CYP11A1: variants seen among roughly 807,000 people sequenced by gnomAD.
CYP11A1 encodes the protein cholesterol side-chain cleavage enzyme, mitochondrial.
A neutral mutation model predicts 51.9 loss-of-function variants in CYP11A1; 25 were observed. The ratio of observed to expected loss-of-function variants is 0.48; its 90% CI spans 0.35 to 0.67. CYP11A1 has a LOEUF of 0.67. Among genes scored for constraint, CYP11A1 ranks in the 30% least tolerant of loss-of-function variants. CYP11A1 has a pLI of 0.00. For synonymous variants in CYP11A1, 245 were observed against 262.1 expected (o/e 0.93, Z 0.63); for missense variants, 578 against 680.9 (o/e 0.85, Z 1.68).
chr15:74,340,301 G>A (rs1419381994), intron 5 of CYP11A1, among the ~76,000 whole-genome samples: 1 of 152,232 alleles, frequency 6.6e-6, no homozygotes, highest in Non-Finnish European at 1.5e-5. Context: ...TGTGGTGTGT[G>A]TTGAAATTAA....
chr15:74,340,175 T>C (rs1303761978), intron 5 of CYP11A1, among the ~76,000 whole-genome samples: 1 of 152,234 alleles, frequency 6.6e-6, no homozygotes, highest in Non-Finnish European at 1.5e-5. Flanking sequence ...CACCCCTCTT[T>C]CCAGTAGAAC....
At chr15:74,357,460 C>A (rs1429001493) in intron 1 of CYP11A1, among the ~76,000 whole-genome samples, 3 of 152,208 alleles carry the variant, frequency 2.0e-5, no homozygotes, top group Non-Finnish European at 4.4e-5. Context: ...GCCTTTCCTT[C>A]CTAGGCATGG....
intron 5 of CYP11A1, 66 bp downstream of exon 5, chr15:74,342,911 G>T (rs951260830): frequency 6.5e-7 from 1 of 1,538,832 alleles, no homozygotes; most frequent in Non-Finnish European, 9.0e-7. Context: ...GACAACGAGG[G>T]GCCTGGTGGG....
At position 74,338,714 on chromosome 15, in the gene CYP11A1, C is replaced by T. The variant is rs900306752; in HGVS notation, c.1291G>A (p.Asp431Asn). The change falls in exon 8 of 9, where the codon GAC becomes AAC. Residue 431 changes from aspartate to asparagine, a missense_variant. Coordinates refer to ENST00000268053, the MANE Select transcript of CYP11A1 (RefSeq NM_000781.3). ...ALGREPTFFF[D>N]PENFDPTRWL... Reference sequence around the variant, plus strand: ...CGGGTTGGGTCAAAATTTTCCGGGTCGAAGAAGAAGGTGGGCTCTCGGCCC... The same window carrying T: ...CGGGTTGGGTCAAAATTTTCCGGGTTGAAGAAGAAGGTGGGCTCTCGGCCC... 8.1e-6 allele frequency: 13 copies of T among 1,614,026 alleles called. No individual in the cohort carries two copies. The Admixed American group carries it at 8.3e-5, about 10-fold the overall frequency.
chr15:74,342,152 G>A (rs1314373748), intron 5 of CYP11A1, among the ~76,000 whole-genome samples: 6 of 152,066 alleles, frequency 3.9e-5, no homozygotes, highest in African/African-American at 1.2e-4. Context: ...GTGCGATCTC[G>A]GCTCACCACA....
intron 3 of CYP11A1, 87 bp downstream of exon 3, chr15:74,344,957 G>T: frequency 1.6e-6 from 2 of 1,222,886 alleles, no homozygotes; most frequent in Non-Finnish European, 1.2e-6. Flanking sequence ...GCCTCTGCAG[G>T]GTCTGTACTG....
rs1386132842 is a variant in CYP11A1, at chr15:74,367,396, G to A, written c.190C>T (p.His64Tyr). The A allele has an allele frequency of 6.2e-7, 1 of 1,614,192 alleles. No individual in the cohort carries two copies. The highest frequency in any genetic ancestry group is 8.5e-7 in the Non-Finnish European group (1 of 1,180,038). Residue 64 changes from histidine to tyrosine, a missense_variant, in exon 1 of 9, where the codon CAT (histidine) becomes TAT (tyrosine). Transcript: ENST00000268053. ...PGDNGWLNLY[H>Y]FWRETGTHKV... ...TGTGTGCCCGTCTCCCTCCAGAAAT[G>A]GTACAGGTTTAGCCAGCCATTGTCA...
Position 74,348,031 on chromosome 15 carries a change from C to T in CYP11A1, c.294G>A (p.Ser98=), listed in dbSNP as rs879688617. 1.2e-6 allele frequency: 2 copies of T among 1,614,062 alleles called. No individual in the cohort carries two copies. The highest frequency in any genetic ancestry group is 1.7e-6 in the Non-Finnish European group (2 of 1,180,034). The change falls in exon 2 of 9, where the codon TCG becomes TCA. Residue 98 remains serine (S), a synonymous_variant. Transcript: ENST00000268053. The stretch of plus-strand genomic sequence containing the variant: ...CATCTTCAGGGTCGATGACATAAAC[C>T]GACTCCACGTTGCCGAGCTTCTCCC... ...IYREKLGNVE[S]VYVIDPEDVA... is the part of the protein sequence containing the mutation.
intron 2 of CYP11A1, among the ~76,000 whole-genome samples, 177 bp downstream of exon 2, chr15:74,347,723 A>G (rs1346230513): frequency 6.6e-6 from 1 of 152,144 alleles, no homozygotes; most frequent in Non-Finnish European, 1.5e-5. Flanking sequence ...CATCATCATC[A>G]TCATCATCAT....
rs368415573 is a variant in CYP11A1 at position 74,355,343 on chromosome 15, G to C, written c.270-7288C>G. Reference sequence around the variant, plus strand: ...CACTTTCGATTTCTCCATCCTACAAGATCTAGATAATTCTTGTCATAAAAT... The same window carrying C: ...CACTTTCGATTTCTCCATCCTACAACATCTAGATAATTCTTGTCATAAAAT... On this transcript the variant is annotated intron_variant, in intron 1 of 8. Coordinates refer to ENST00000268053, the MANE Select transcript of CYP11A1 (RefSeq NM_000781.3). 3.9e-5 allele frequency among the ~76,000 whole-genome samples: 6 copies of C among 152,226 alleles called. No individual in the cohort carries two copies. The East Asian group carries it at 1.2e-3, about 29-fold the overall frequency.
chr15:74,346,173 T>C (rs2141236057), intron 2 of CYP11A1, among the ~76,000 whole-genome samples: 1 of 152,026 alleles, frequency 6.6e-6, no homozygotes, highest in Admixed American at 6.5e-5. Context: ...GCCAACATGG[T>C]GAAACCCCGT....
At chr15:74,344,615 A>G (rs1000649806) in intron 3 of CYP11A1, among the ~76,000 whole-genome samples, 6 of 152,148 alleles carry the variant, frequency 3.9e-5, no homozygotes, top group African/African-American at 1.2e-4. Context: ...CCCCATCTAG[A>G]TAACTCCTAC....
intron 7 of CYP11A1, 65 bp from the exon 8 acceptor site, chr15:74,338,833 C>T (rs1297009160): frequency 1.4e-6 from 2 of 1,453,610 alleles, no homozygotes; most frequent in African/African-American, 2.8e-5. Context: ...CACAAAACCC[C>T]CTTCCCTAGT....
chr15:74,362,511 CCTT>C, intron 1 of CYP11A1: 5 of 157,264 alleles, frequency 3.2e-5, no homozygotes, highest in East Asian at 1.9e-4. Flanking sequence ...GAAAGACTGT[CCTT>C]GCCATCTACA....
intron 1 of CYP11A1, chr15:74,361,724 A>T: frequency 7.9e-7 from 1 of 1,261,636 alleles, no homozygotes; most frequent in Non-Finnish European, 1.2e-6. Flanking sequence ...TAATTATTCC[A>T]GGATTTATGT....
chr15:74,347,765 T>C, intron 2 of CYP11A1, 135 bp downstream of exon 2: 1 of 775,144 alleles, frequency 1.3e-6, no homozygotes, highest in Non-Finnish European at 2.1e-6. Flanking sequence ...GGCAGGAAAA[T>C]GACGGGGATT....
chr15:74,340,955 G>A (rs41543514), intron 5 of CYP11A1, among the ~76,000 whole-genome samples: 1,726 of 152,256 alleles, frequency 0.011, 16 homozygotes, highest in Non-Finnish European at 0.015. Context: ...TCCCTTCCCC[G>A]CCTAAGAAGG....
Position 74,338,637 on chromosome 15 carries a change from GC to G in CYP11A1, c.1367del (p.Gly456AlafsTer15). ...GTCCCAGACACTGCCGCACACCCCA[GC>G]CAAAGCCCAAGTTCCGGAAGTAGGT... ...NITYFRNLGFGWGVRQCLGRR... is the reference protein window; with the variant it reads ...NITYFRNLGFXWGVRQCLGRR... On this transcript the variant is annotated frameshift_variant, in exon 8 of 9. Coordinates refer to ENST00000268053, the MANE Select transcript of CYP11A1 (RefSeq NM_000781.3). LOFTEE classifies it high-confidence loss of function. The G allele has an allele frequency of 3.7e-6, 6 of 1,614,170 alleles. No homozygotes were observed. The highest frequency in any genetic ancestry group is 5.1e-6 in the Non-Finnish European group (6 of 1,180,026).
At chr15:74,339,144 C>T in intron 7 of CYP11A1, 93 bp downstream of exon 7, 1 of 1,071,034 alleles carries the variant, frequency 9.3e-7, no homozygotes, top group Non-Finnish European at 1.4e-6. Context: ...TCAAGGGCCC[C>T]ACCAGGGCCC....
Sources: gnomAD v4.1 joint callset for allele counts (sites outside exome capture counted in the v4.1 genomes callset) on GRCh38, gnomAD v4.1.1 for gene constraint, MANE v1.5 for transcripts, NCBI Gene and HGNC (gene_info 2026-07-23, HGNC 2026-07-21) for gene names.